The following DOCK5 variants were observed in gnomAD, a reference collection of about 807,000 sequenced individuals.
DOCK5 encodes dedicator of cytokinesis protein 5.
A neutral mutation model predicts 251.8 loss-of-function variants in DOCK5; 142 were observed. The observed-to-expected ratio is 0.56, with a 90% CI of 0.49 to 0.65. The LOEUF is 0.65. Among genes scored for constraint, DOCK5 ranks in the 30% least tolerant of loss-of-function variants. The pLI is 0.00. For synonymous variants in DOCK5, 842 were observed against 835.5 expected, an observed-to-expected ratio of 1.01 and a Z score of -0.13; for missense variants, 2,111 against 2,312.3, an observed-to-expected ratio of 0.91 and a Z score of 1.79.
At chr8:25,215,729 G>C (rs1350081362) in intron 1 of DOCK5, among the ~76,000 whole-genome samples, 7 of 151,684 alleles carry the variant, frequency 4.6e-5, no homozygotes, top group African/African-American at 1.5e-4. Flanking sequence ...TATAAAAAAG[G>C]CTTTATTAAA....
chr8:25,297,916 A>G (rs73560423), intron 7 of DOCK5, among the ~76,000 whole-genome samples: 26,024 of 151,806 alleles, frequency 0.17, 5,272 homozygotes, highest in African/African-American at 0.49. Context: ...AATTAGCTGG[A>G]CGTGGTAGTG....
chr8:25,232,711 C>T (rs1451107630), intron 1 of DOCK5, among the ~76,000 whole-genome samples: 1 of 152,132 alleles, frequency 6.6e-6, no homozygotes, highest in African/African-American at 2.4e-5. Flanking sequence ...CTCCCAAAAG[C>T]CCACCTCCTA....
At chr8:25,217,654 G>T (rs1586236074) in intron 1 of DOCK5, among the ~76,000 whole-genome samples, 1 of 152,190 alleles carries the variant, frequency 6.6e-6, no homozygotes, top group African/African-American at 2.4e-5. Context: ...GTCAAAGTTG[G>T]TGGGAAAATA....
chr8:25,286,536 A>T (rs904429241), intron 5 of DOCK5, among the ~76,000 whole-genome samples: 1 of 152,224 alleles, frequency 6.6e-6, no homozygotes, highest in Admixed American at 6.5e-5. Context: ...TTTCCCCCTA[A>T]GTCATAAAAT....
chr8:25,333,882 G>A (rs1258295968), intron 20 of DOCK5, among the ~76,000 whole-genome samples: 1 of 152,076 alleles, frequency 6.6e-6, no homozygotes, highest in African/African-American at 2.4e-5. Context: ...TTTCTTCACA[G>A]CATTTAACAT....
chr8:25,229,338 C>T (rs1011593960), intron 1 of DOCK5, among the ~76,000 whole-genome samples: 6 of 151,952 alleles, frequency 3.9e-5, no homozygotes, highest in East Asian at 3.9e-4. Context: ...AAAAATTAGC[C>T]GGGCATGGTG....
rs1249410255 is a variant in DOCK5, at chr8:25,403,684, A to G, written c.5053A>G (p.Asn1685Asp). ...TTCCTCTGTGGTTTCCACCTCTTCA[A>G]ACTCGTCTGACAATGCTCCTTCCAG... is the stretch of plus-strand genomic sequence containing the variant. ...VTSSVVSTSSNSSDNAPSRPG... is the reference protein window; with the variant it reads ...VTSSVVSTSSDSSDNAPSRPG... The change falls in exon 48 of 52, where the codon AAC becomes GAC. Residue 1685 changes from asparagine to aspartate, a missense_variant. Transcript: ENST00000276440. 2 of 1,613,880 alleles carry G rather than the reference A, an allele frequency of 1.2e-6. No homozygotes were observed. Among genetic ancestry groups the G allele is most frequent in the Non-Finnish European group, 1.7e-6 (2 of 1,179,860 alleles).
chr8:25,331,233 A>ACG (rs1491017765), intron 18 of DOCK5, among the ~76,000 whole-genome samples: 1 of 98,832 alleles, frequency 1.0e-5, no homozygotes, highest in Non-Finnish European at 2.1e-5. Context: ...TCTCTGTGAC[A>ACG]CACACACACA....
chr8:25,231,377 A>G (rs1208103818), intron 1 of DOCK5, among the ~76,000 whole-genome samples: 1 of 152,144 alleles, frequency 6.6e-6, no homozygotes, highest in Non-Finnish European at 1.5e-5. Flanking sequence ...TTCCTGGTAC[A>G]CTTGTGCAAG....
chr8:25,193,040 G>T (rs998443495), intron 1 of DOCK5, among the ~76,000 whole-genome samples: 1 of 152,118 alleles, frequency 6.6e-6, no homozygotes, highest in Admixed American at 6.6e-5. Context: ...ATTAAAAAAG[G>T]AGGAAGCTGA....
Position 25,207,261 on chromosome 8 carries a change from G to A in DOCK5, c.43+22310G>A, listed in dbSNP as rs184037705. Among the ~76,000 whole-genome samples the A allele has an allele frequency of 4.7e-4, 71 of 152,326 alleles. 1 individual carries two copies. The highest frequency in any genetic ancestry group is 3.5e-3 in the Admixed American group (54 of 15,296). ...CATTGCCATAGCATAGAAGTGCAAGGTGAGGCAGCAAGTGCTGATATAGAA... is the reference window on the plus strand; with the variant it reads ...CATTGCCATAGCATAGAAGTGCAAGATGAGGCAGCAAGTGCTGATATAGAA... On this transcript the variant is annotated intron_variant, in intron 1 of 51. Coordinates refer to ENST00000276440, the MANE Select transcript of DOCK5 (RefSeq NM_024940.8).
At chr8:25,310,612 A>G (rs1301682653) in intron 13 of DOCK5, 80 bp downstream of exon 13, 1 of 1,466,590 alleles carries the variant, frequency 6.8e-7, no homozygotes, top group Non-Finnish European at 9.1e-7. Flanking sequence ...GGCAACTTGG[A>G]TCCAGAAGAC....
chr8:25,320,926 A>G, intron 15 of DOCK5, 54 bp from the exon 16 acceptor site: 4 of 1,503,952 alleles, frequency 2.7e-6, no homozygotes, highest in Non-Finnish European at 3.7e-6. Flanking sequence ...GAAATAAACC[A>G]TGCTTGCAAA....
intron 8 of DOCK5, among the ~76,000 whole-genome samples, chr8:25,300,266 G>A (rs919847074): frequency 1.3e-5 from 2 of 152,326 alleles, no homozygotes; most frequent in Middle Eastern, 3.4e-3. Flanking sequence ...TGAGATGGAA[G>A]GACAACCCAG....
At chr8:25,346,496 G>C (rs1056352746) in intron 26 of DOCK5, among the ~76,000 whole-genome samples, 1 of 151,638 alleles carries the variant, frequency 6.6e-6, no homozygotes, top group African/African-American at 2.4e-5. Flanking sequence ...CTCATCTTGC[G>C]TTTTCTCTGT....
Position 25,351,742 on chromosome 8 carries a change from G to T in DOCK5, c.2766G>T (p.Ala922=), listed in dbSNP as rs368070746. The T allele has an allele frequency of 6.2e-7, 1 of 1,613,404 alleles. No homozygotes were observed. Among genetic ancestry groups the T allele is most frequent in the African/African-American group, 1.3e-5 (1 of 74,908 alleles). Residue 922 remains alanine, a synonymous_variant, in exon 27 of 52, where the codon GCG becomes GCT. Transcript: ENST00000276440. The part of the protein sequence containing the change: ...VLDRKDVGAT[A]VHIQLIMERL... The stretch of plus-strand genomic sequence containing the variant: ...TGTGTTCCCTGCAGGGTGCCACTGC[G>T]GTGCACATTCAGCTTATAATGGAAC...
intron 7 of DOCK5, among the ~76,000 whole-genome samples, chr8:25,298,718 G>A (rs1248466797): frequency 6.6e-6 from 1 of 151,744 alleles, no homozygotes; most frequent in Non-Finnish European, 1.5e-5. Context: ...GGGACTACAG[G>A]CACAGCTAAT....
chr8:25,254,330 G>A (rs866153774), intron 2 of DOCK5, among the ~76,000 whole-genome samples: 9 of 152,036 alleles, frequency 5.9e-5, no homozygotes, highest in Admixed American at 2.0e-4. Context: ...TTGATATGGG[G>A]GTAACTTTTT....
Position 25,390,284 on chromosome 8 carries a change from TAA to T in DOCK5, c.4354_4355del (p.Asn1452LeufsTer6), listed in dbSNP as rs759119587. 6.4e-7 allele frequency: 1 copy of T among 1,569,474 alleles called. No individual in the cohort carries two copies. On this transcript the variant is annotated frameshift_variant and splice_region_variant, in exon 42 of 52. Coordinates refer to ENST00000276440, the MANE Select transcript of DOCK5 (RefSeq NM_024940.8). LOFTEE classifies it high-confidence loss of function. ...GATAAACCTGTTCCAGAGCAGATCT[TAA>T]AGTAAGTGGTTTTTCATTTAAAAAA... is the stretch of plus-strand genomic sequence containing the variant.
Sources: gnomAD v4.1 joint callset for allele counts (sites outside exome capture counted in the v4.1 genomes callset) on GRCh38, gnomAD v4.1.1 for gene constraint, MANE v1.5 for transcripts, NCBI Gene and HGNC (gene_info 2026-07-23, HGNC 2026-07-21) for gene names.